The following BRDT variants were observed in gnomAD, a reference collection of about 807,000 sequenced individuals.
BRDT encodes the protein bromodomain testis-specific protein.
Under a neutral mutation model 113.9 loss-of-function variants are expected in BRDT, and 77 were observed. That is an observed-to-expected ratio of 0.68 (90% CI 0.56 to 0.82). The LOEUF is 0.82. Ranked by LOEUF, BRDT falls within the 40% of genes least tolerant of loss-of-function variation. The pLI is 0.00. For missense variants in BRDT, 1,027 were observed against 1,105.4 expected, an observed-to-expected ratio of 0.93 and a Z score of 1.01; for synonymous variants, 358 against 366.5, an observed-to-expected ratio of 0.98 and a Z score of 0.26.
intron 3 of BRDT, 146 bp downstream of exon 3, chr1:91,964,910 ATT>A (rs1302641462): frequency 5.6e-3 from 1,316 of 232,976 alleles, no homozygotes; most frequent in Middle Eastern, 0.013. Flanking sequence ...TGTGTATATA[ATT>A]TTTTTTTTTT....
chr1:91,996,025 A>G (rs1053460135), intron 15 of BRDT, among the ~76,000 whole-genome samples: 1 of 152,212 alleles, frequency 6.6e-6, no homozygotes, highest in Non-Finnish European at 1.5e-5. Flanking sequence ...GAAGAAGAAT[A>G]AACAAATATC....
Position 91,980,738 on chromosome 1 carries a change from A to T in BRDT, c.1383A>T (p.Lys461Asn). 6.2e-7 allele frequency: 1 copy of T among 1,609,096 alleles called. No homozygotes were observed. The highest frequency in any genetic ancestry group is 8.5e-7 in the Non-Finnish European group (1 of 1,179,076). The change falls in exon 9 of 19, where the codon AAA becomes AAT. Residue 461 changes from lysine (K) to asparagine (N), a missense_variant. Coordinates refer to ENST00000399546, the MANE Select transcript of BRDT (RefSeq NM_207189.4). ...AGAAGTCTAAAAAGGAAAAGAAAAAAGAAAAGGTTAATAACAGCAATGAAA... is the reference window on the plus strand; with the variant it reads ...AGAAGTCTAAAAAGGAAAAGAAAAATGAAAAGGTTAATAACAGCAATGAAA... ...KKEKSKKEKK[K>N]EKVNNSNENP...
At chr1:91,966,133 A>C (rs1434572581) in intron 3 of BRDT, among the ~76,000 whole-genome samples, 1 of 152,158 alleles carries the variant, frequency 6.6e-6, no homozygotes, top group Non-Finnish European at 1.5e-5. Context: ...GCTCTCATCC[A>C]TAAAATTGGA....
intron 1 of BRDT, among the ~76,000 whole-genome samples, chr1:91,953,979 T>G (rs1218358415): frequency 1.3e-5 from 2 of 152,080 alleles, no homozygotes; most frequent in African/African-American, 2.4e-5. Flanking sequence ...GTTTGTTTTG[T>G]TTTGTTTTTT....
intron 4 of BRDT, among the ~76,000 whole-genome samples, chr1:91,974,073 G>A (rs1475253833): frequency 6.6e-6 from 1 of 152,112 alleles, no homozygotes; most frequent in East Asian, 1.9e-4. Context: ...TGGGAAAACT[G>A]GCTAGCCATA....
intron 15 of BRDT, among the ~76,000 whole-genome samples, chr1:92,001,698 G>A (rs540019810): frequency 2.0e-5 from 3 of 148,658 alleles, no homozygotes; most frequent in African/African-American, 5.0e-5. Context: ...CCCTCTCCCC[G>A]CAAAAAAAAA....
At chr1:91,974,605 T>A (rs1220710367) in intron 4 of BRDT, among the ~76,000 whole-genome samples, 1 of 152,156 alleles carries the variant, frequency 6.6e-6, no homozygotes, top group Non-Finnish European at 1.5e-5. Flanking sequence ...CCAGTTAGAA[T>A]GGCGATCATT....
chr1:92,004,738 T>C (rs2101809173), intron 17 of BRDT, 119 bp downstream of exon 17: 1 of 869,298 alleles, frequency 1.2e-6, no homozygotes, highest in Non-Finnish European at 1.7e-6. Context: ...ACAGAGCAAA[T>C]TGTAATTGCA....
intron 4 of BRDT, among the ~76,000 whole-genome samples, chr1:91,974,511 G>T (rs1279043078): frequency 6.6e-6 from 1 of 152,228 alleles, no homozygotes; most frequent in Non-Finnish European, 1.5e-5. Flanking sequence ...CATTTATGCA[G>T]CCAGCAGACA....
At chr1:92,005,742 G>A (rs531649591) in intron 18 of BRDT, among the ~76,000 whole-genome samples, 23 of 152,308 alleles carry the variant, frequency 1.5e-4, no homozygotes, top group Non-Finnish European at 3.2e-4. Flanking sequence ...CTATTGTGAA[G>A]GTGAAATGAA....
chr1:91,981,065 A>G lies in BRDT; in HGVS notation c.1637A>G (p.Asn546Ser), dbSNP rs772158637. The G allele has an allele frequency of 6.2e-7, 1 of 1,614,122 alleles. No individual in the cohort carries two copies. ...CAATCAAGAGAGCCTTCTCTGAGCA[A>G]TTCCAATCCTGATGAGATAGAGATA... ...IIQSREPSLS[N>S]SNPDEIEIDF... Residue 546 changes from asparagine to serine, a missense_variant, in exon 10 of 19, where the codon AAT (asparagine) becomes AGT (serine). Asn to Ser is a conservative substitution (Grantham distance 46). Coordinates refer to ENST00000399546, the MANE Select transcript of BRDT (RefSeq NM_207189.4).
At chr1:91,976,470 T>C in intron 5 of BRDT, 32 bp downstream of exon 5, 1 of 1,492,764 alleles carries the variant, frequency 6.7e-7, no homozygotes, top group Non-Finnish European at 8.9e-7. Context: ...AATCATTGCT[T>C]TTTAACACTG....
intron 12 of BRDT, among the ~76,000 whole-genome samples, chr1:91,990,054 G>GGA (rs1312110834): frequency 2.0e-5 from 3 of 152,196 alleles, no homozygotes; most frequent in Non-Finnish European, 4.4e-5. Context: ...AAGCTGGCTT[G>GGA]GAGAGACTGA....
At position 91,979,705 on chromosome 1, in the gene BRDT, C is replaced by G. The variant is rs1684537064; in HGVS notation, c.1235C>G (p.Ser412Cys). The G allele has an allele frequency of 3.1e-6, 5 of 1,613,246 alleles. No homozygotes were observed. The East Asian group carries it at 1.1e-4, about 36-fold the overall frequency. Residue 412 changes from serine (S) to cysteine (C), a missense_variant, in exon 8 of 19, where the codon TCT (serine) becomes TGT (cysteine). By Grantham distance (112) the Ser-to-Cys change is moderately radical. Transcript: ENST00000399546. ...TNEASSEGNS[S>C]DDSEDERVKR... ...GAAGCCTCCTCTGAAGGGAACTCTT[C>G]TGATGATTCTGAAGATGAGCGAGTT... is the stretch of plus-strand genomic sequence containing the variant.
Position 91,977,302 on chromosome 1 carries a change from G to A in BRDT, c.878G>A (p.Trp293Ter). 1 of 1,613,960 alleles carries A rather than the reference G, an allele frequency of 6.2e-7. No homozygotes were observed. Among genetic ancestry groups the A allele is most frequent in the Non-Finnish European group, 8.5e-7 (1 of 1,179,962 alleles). Residue 293 changes from tryptophan to a stop codon, truncating the protein, a stop_gained, in exon 6 of 19, where the codon TGG becomes TAG. Coordinates refer to ENST00000399546, the MANE Select transcript of BRDT (RefSeq NM_207189.4). LOFTEE classifies it high-confidence loss of function. ...GCAAAGAAACATTTTTCATATGCAT[G>A]GCCCTTTTATAATCCTGTTGACGTT... ...MLAKKHFSYAWPFYNPVDVNA... is the reference protein window; with the variant it reads ...MLAKKHFSYA
intron 7 of BRDT, among the ~76,000 whole-genome samples, chr1:91,979,116 CTTTT>C (rs77923577): frequency 1.4e-5 from 2 of 138,406 alleles, no homozygotes; most frequent in Admixed American, 7.3e-5. Flanking sequence ...AAGCATGAGT[CTTTT>C]TTTTTTTTTT....
At chr1:91,958,631 T>C (rs1032016544) in intron 1 of BRDT, among the ~76,000 whole-genome samples, 1 of 152,210 alleles carries the variant, frequency 6.6e-6, no homozygotes, top group Admixed American at 6.5e-5. Flanking sequence ...TTGGCAATTA[T>C]GAATAAAGCT....
intron 12 of BRDT, among the ~76,000 whole-genome samples, chr1:91,988,541 C>T (rs1685474861): frequency 1.3e-5 from 2 of 152,110 alleles, no homozygotes; most frequent in Admixed American, 6.6e-5. Context: ...GCTGGGATTA[C>T]AGGTTTGCAC....
chr1:91,977,288 T>C lies in BRDT; in HGVS notation c.864T>C (p.His288=). Residue 288 remains histidine, a synonymous_variant, in exon 6 of 19, where the codon CAT becomes CAC. Coordinates refer to ENST00000399546, the MANE Select transcript of BRDT (RefSeq NM_207189.4). ...EILKEMLAKK[H]FSYAWPFYNP... ...TTAAAGAAATGCTTGCAAAGAAACA[T>C]TTTTCATATGCATGGCCCTTTTATA... 6.2e-7 allele frequency: 1 copy of C among 1,614,092 alleles called. No individual in the cohort carries two copies. The highest frequency in any genetic ancestry group is 2.2e-5 in the East Asian group (1 of 44,848).
Sources: gnomAD v4.1 joint callset for allele counts (sites outside exome capture counted in the v4.1 genomes callset) on GRCh38, gnomAD v4.1.1 for gene constraint, MANE v1.5 for transcripts, NCBI Gene and HGNC (gene_info 2026-07-23, HGNC 2026-07-21) for gene names.